The following COL21A1 variants were observed in gnomAD, a reference collection of about 807,000 sequenced individuals.
The protein encoded by COL21A1 is collagen alpha-1(XXI) chain.
COL21A1 carries 149 observed loss-of-function variants against 137.9 expected under a neutral mutation model. That is an observed-to-expected ratio of 1.08 (90% CI 0.95 to 1.24). The LOEUF (loss-of-function observed/expected upper bound fraction) is 1.24, where lower values mean the gene tolerates loss of function less well. COL21A1 is among the 50% of genes most tolerant of loss of function. The pLI, the probability that COL21A1 is intolerant of heterozygous loss-of-function variation, is 0.00. For missense variants in COL21A1, 1,167 were observed against 1,158.4 expected, an observed-to-expected ratio of 1.01 and a Z score of -0.11; for synonymous variants, 456 against 391.5, an observed-to-expected ratio of 1.16 and a Z score of -1.95.
chr6:56,167,489 T>C (rs1343573078), intron 6 of COL21A1, among the ~76,000 whole-genome samples: 1 of 152,218 alleles, frequency 6.6e-6, no homozygotes, highest in Admixed American at 6.5e-5. Context: ...AGAGACCACA[T>C]GTGTAAACAC....
At chr6:56,301,093 A>T (rs9370510) in intron 1 of COL21A1, among the ~76,000 whole-genome samples, 128,276 of 152,060 alleles carry the variant, frequency 0.84, 56,082 homozygotes, top group South Asian at 0.97. Flanking sequence ...ATGGTTTGGT[A>T]AGCAGAATAA....
intron 16 of COL21A1, among the ~76,000 whole-genome samples, chr6:56,102,299 A>T (rs1770528972): frequency 6.6e-6 from 1 of 152,184 alleles, no homozygotes; most frequent in Non-Finnish European, 1.5e-5. Context: ...AAAGGATAGC[A>T]AGGAAGAGCC....
intron 1 of COL21A1, among the ~76,000 whole-genome samples, chr6:56,296,807 G>A (rs1236751360): frequency 1.3e-5 from 2 of 152,076 alleles, no homozygotes; most frequent in African/African-American, 4.8e-5. Context: ...TAAAACACTT[G>A]AGAAATCATG....
chr6:56,363,240 G>A (rs1766016293), intron 1 of COL21A1, among the ~76,000 whole-genome samples: 2 of 152,194 alleles, frequency 1.3e-5, no homozygotes, highest in African/African-American at 2.4e-5. Flanking sequence ...TCTCCTAAGT[G>A]TCTCAGACAG....
chr6:56,231,220 A>T (rs941409493), intron 1 of COL21A1: 1 of 152,064 alleles, frequency 6.6e-6, no homozygotes, highest in East Asian at 1.9e-4. Flanking sequence ...AAAAGAACGG[A>T]AAATAAAAAG....
intron 17 of COL21A1, among the ~76,000 whole-genome samples, chr6:56,092,082 A>G (rs1220995777): frequency 6.6e-6 from 1 of 152,198 alleles, no homozygotes; most frequent in Non-Finnish European, 1.5e-5. Flanking sequence ...AATGTAGTCT[A>G]GCAAAGTTGG....
At chr6:56,224,578 G>A (rs1781072774) in intron 1 of COL21A1, among the ~76,000 whole-genome samples, 1 of 151,974 alleles carries the variant, frequency 6.6e-6, no homozygotes, top group South Asian at 2.1e-4. Context: ...TTTGGAATAT[G>A]GGAGACATAA....
chr6:56,318,850 G>A (rs536828307), intron 1 of COL21A1, among the ~76,000 whole-genome samples: 35 of 151,830 alleles, frequency 2.3e-4, no homozygotes, highest in Middle Eastern at 3.4e-3. Flanking sequence ...CTTTGAATCC[G>A]TTTTTTCAGT....
rs746787409 is a variant in COL21A1 at position 56,179,788 on chromosome 6, C to G, written c.430G>C (p.Asp144His). Reference sequence around the variant, plus strand: ...TTGACGTCATCTTGGGATTTGCCATCCGTAAGTACCACTGCTATCTTAGTC... The same window carrying G: ...TTGACGTCATCTTGGGATTTGCCATGCGTAAGTACCACTGCTATCTTAGTC... ...FLTKIAVVLT[D>H]GKSQDDVKDA... The change falls in exon 3 of 30, where the codon GAT becomes CAT. Residue 144 changes from aspartate to histidine, a missense_variant. Coordinates refer to ENST00000244728, the MANE Select transcript of COL21A1 (RefSeq NM_030820.4). 2 of 1,613,896 alleles carry G rather than the reference C, an allele frequency of 1.2e-6. No individual in the cohort carries two copies. The highest frequency in any genetic ancestry group is 1.7e-6 in the Non-Finnish European group (2 of 1,179,816).
chr6:56,240,155 T>TA (rs1782195764), intron 1 of COL21A1, among the ~76,000 whole-genome samples: 1 of 101,562 alleles, frequency 9.8e-6, no homozygotes, highest in Non-Finnish European at 1.9e-5. Context: ...GTGAGTCCAT[T>TA]AAACTTTTTT....
chr6:56,248,541 A>T (rs559798029), upstream of COL21A1, among the ~76,000 whole-genome samples: 1 of 152,132 alleles, frequency 6.6e-6, no homozygotes, highest in East Asian at 1.9e-4. Flanking sequence ...TTCCTATCCA[A>T]CTCAAGGTAT....
At chr6:56,175,159 C>T (rs1034903058) in intron 3 of COL21A1, among the ~76,000 whole-genome samples, 3 of 151,934 alleles carry the variant, frequency 2.0e-5, no homozygotes, top group African/African-American at 4.8e-5. Context: ...TAATAAAGAC[C>T]ATATTTGAAA....
At chr6:56,121,557 T>A in intron 16 of COL21A1, among the ~76,000 whole-genome samples, 1 of 139,720 alleles carries the variant, frequency 7.2e-6, no homozygotes, top group South Asian at 2.2e-4. Context: ...CATATGTATA[T>A]GTGTATATAT....
chr6:56,315,444 T>C (rs1764708956), intron 1 of COL21A1, among the ~76,000 whole-genome samples: 1 of 152,178 alleles, frequency 6.6e-6, no homozygotes, highest in South Asian at 2.1e-4. Context: ...AGTCATTTAA[T>C]TGCAGGAAGA....
At chr6:56,339,010 C>T (rs1344035253) in intron 1 of COL21A1, among the ~76,000 whole-genome samples, 1 of 152,098 alleles carries the variant, frequency 6.6e-6, no homozygotes, top group African/African-American at 2.4e-5. Context: ...TAGCCATTTC[C>T]CAAGCCAATA....
At chr6:56,164,611 T>C (rs911866751) in intron 8 of COL21A1, 105 bp from the exon 9 acceptor site, 65 of 950,172 alleles carry the variant, frequency 6.8e-5, no homozygotes, top group Non-Finnish European at 6.4e-5. Context: ...GGCAAAAATA[T>C]CTTACATTCA....
chr6:56,137,618 G>A (rs937233605), intron 12 of COL21A1, among the ~76,000 whole-genome samples: 12 of 152,036 alleles, frequency 7.9e-5, no homozygotes, highest in East Asian at 7.7e-4. Flanking sequence ...GCTTCTCAAC[G>A]ACCATACAAC....
intron 17 of COL21A1, chr6:56,077,776 G>C (rs376069373): frequency 1.6e-5 from 8 of 495,798 alleles, no homozygotes; most frequent in African/African-American, 1.4e-4. Context: ...CTGATATTTA[G>C]AGCTTTAAAT....
chr6:56,283,109 TAA>T, intron 1 of COL21A1, among the ~76,000 whole-genome samples: 1 of 152,262 alleles, frequency 6.6e-6, no homozygotes, highest in East Asian at 1.9e-4. Context: ...GCAATCTGTA[TAA>T]AAAGACTTTC....
Sources: gnomAD v4.1 joint callset for allele counts (sites outside exome capture counted in the v4.1 genomes callset) on GRCh38, gnomAD v4.1.1 for gene constraint, MANE v1.5 for transcripts, NCBI Gene and HGNC (gene_info 2026-07-23, HGNC 2026-07-21) for gene names.